Variants in NKAIN2 observed in about 807,000 individuals in gnomAD.
NKAIN2 encodes sodium/potassium-transporting ATPase subunit beta-1-interacting protein 2.
A neutral mutation model predicts 32.6 loss-of-function variants in NKAIN2; 14 were observed. The ratio of observed to expected loss-of-function variants is 0.43; its 90% confidence interval spans 0.28 to 0.67. The LOEUF (loss-of-function observed/expected upper bound fraction) is 0.67, where lower values mean the gene tolerates loss of function less well. Among genes scored for constraint, NKAIN2 ranks in the 30% least tolerant of loss-of-function variants. NKAIN2 has a pLI of 0.17. For missense variants in NKAIN2, 198 were observed against 258.3 expected (o/e 0.77, Z 1.60); for synonymous variants, 80 against 87.2 (o/e 0.92, Z 0.46).
intron 3 of NKAIN2, among the ~76,000 whole-genome samples, chr6:124,399,145 T>G (rs1773524035): frequency 6.6e-6 from 1 of 152,204 alleles, no homozygotes; most frequent in South Asian, 2.1e-4. Flanking sequence ...CAGGCTGGTC[T>G]TGAACTCCTG....
chr6:123,895,719 A>T (rs1321029228), intron 1 of NKAIN2, among the ~76,000 whole-genome samples: 1 of 152,234 alleles, frequency 6.6e-6, no homozygotes, highest in Non-Finnish European at 1.5e-5. Flanking sequence ...AAATGCAGTG[A>T]ACAGAGCTGT....
intron 4 of NKAIN2, among the ~76,000 whole-genome samples, chr6:124,724,859 A>G (rs1287551326): frequency 6.6e-6 from 1 of 152,214 alleles, no homozygotes; most frequent in East Asian, 1.9e-4. Context: ...ATATGTTCAC[A>G]TAGCTTGGCC....
chr6:124,100,757 T>A (rs1286867231), intron 1 of NKAIN2, among the ~76,000 whole-genome samples: 2 of 152,194 alleles, frequency 1.3e-5, no homozygotes, highest in African/African-American at 4.8e-5. Context: ...TTCTAATAGA[T>A]GTGGGGCCCC....
At chr6:124,343,297 G>A (rs919468436) in intron 2 of NKAIN2, among the ~76,000 whole-genome samples, 6 of 151,824 alleles carry the variant, frequency 4.0e-5, no homozygotes, top group African/African-American at 1.5e-4. Context: ...ACATACGTGT[G>A]CATGTGTCTT....
intron 4 of NKAIN2, among the ~76,000 whole-genome samples, chr6:124,664,265 ACT>A (rs1772654338): frequency 6.6e-6 from 1 of 151,466 alleles, no homozygotes; most frequent in South Asian, 2.1e-4. Flanking sequence ...AGACAGCAAG[ACT>A]CTGTCTCAAA....
At chr6:123,971,643 G>A (rs1057019390) in intron 1 of NKAIN2, among the ~76,000 whole-genome samples, 16 of 152,214 alleles carry the variant, frequency 1.1e-4, no homozygotes, top group African/African-American at 3.9e-4. Context: ...TCCCCATCAT[G>A]TCTGTGTTAC....
intron 1 of NKAIN2, among the ~76,000 whole-genome samples, chr6:123,879,371 C>G (rs541859478): frequency 2.6e-5 from 4 of 152,150 alleles, no homozygotes; most frequent in African/African-American, 7.2e-5. Flanking sequence ...CATATTCTGT[C>G]CTGTATGTCC....
intron 3 of NKAIN2, among the ~76,000 whole-genome samples, chr6:124,424,382 CTGTG>C (rs1252657488): frequency 6.6e-6 from 1 of 152,060 alleles, no homozygotes; most frequent in Non-Finnish European, 1.5e-5. Context: ...ATAGTTACTA[CTGTG>C]TGTGTGTATG....
chr6:123,910,499 G>GTGTTTTTTTTTTTTTTTTTTTTT (rs1491095246), intron 1 of NKAIN2, among the ~76,000 whole-genome samples: 8 of 81,318 alleles, frequency 9.8e-5, no homozygotes, highest in African/African-American at 4.0e-4. Flanking sequence ...TGCAATGCAT[G>GTGTTTTTTTTTTTTTTTTTTTTT]TTTTTTTTTT....
At chr6:123,824,519 A>C (rs1485663072) in intron 1 of NKAIN2, among the ~76,000 whole-genome samples, 1 of 152,004 alleles carries the variant, frequency 6.6e-6, no homozygotes, top group Non-Finnish European at 1.5e-5. Flanking sequence ...GCTCCTATGC[A>C]CCTCACTTGC....
At chr6:124,218,242 A>G (rs985149369) in intron 1 of NKAIN2, among the ~76,000 whole-genome samples, 1 of 152,208 alleles carries the variant, frequency 6.6e-6, no homozygotes, top group African/African-American at 2.4e-5. Context: ...TAAAAGATAC[A>G]TGGCATAGAG....
At chr6:123,865,384 T>G (rs541801886) in intron 1 of NKAIN2, among the ~76,000 whole-genome samples, 4 of 152,148 alleles carry the variant, frequency 2.6e-5, no homozygotes, top group Non-Finnish European at 5.9e-5. Flanking sequence ...AGTCTTGATG[T>G]AAAGACAACT....
rs185136194 is a variant in NKAIN2 at position 123,857,320 on chromosome 6, A to G, written c.54+53066A>G. ...GGACAGTGCGACCAGGGGCTTTTCA[A>G]TGTGTATATTATTTACTTGGTAGTC... On this transcript the variant is annotated intron_variant, in intron 1 of 6. Coordinates refer to ENST00000368417, the MANE Select transcript of NKAIN2 (RefSeq NM_001040214.3). 5.3e-5 allele frequency among the ~76,000 whole-genome samples: 8 copies of G among 151,940 alleles called. No individual in the cohort carries two copies. The East Asian group carries it at 1.5e-3, about 29-fold the overall frequency.
chr6:123,886,035 G>GA (rs1022749492), intron 1 of NKAIN2, among the ~76,000 whole-genome samples: 19 of 150,724 alleles, frequency 1.3e-4, no homozygotes, highest in African/African-American at 4.1e-4. Context: ...ATAAACAGAT[G>GA]AAAAAATTAA....
chr6:123,924,968 A>T (rs1005681874), intron 1 of NKAIN2, among the ~76,000 whole-genome samples: 6 of 152,104 alleles, frequency 3.9e-5, no homozygotes, highest in African/African-American at 1.2e-4. Flanking sequence ...TATCATGATT[A>T]TATTATTTTG....
intron 1 of NKAIN2, among the ~76,000 whole-genome samples, chr6:123,889,934 T>C (rs1773919367): frequency 6.6e-6 from 1 of 152,128 alleles, no homozygotes; most frequent in African/African-American, 2.4e-5. Flanking sequence ...TTTTAGTTAT[T>C]TGTAAGCCAC....
intron 1 of NKAIN2, among the ~76,000 whole-genome samples, chr6:123,959,923 A>ATGTG (rs1333504911): frequency 8.0e-6 from 1 of 124,880 alleles, no homozygotes; most frequent in African/African-American, 3.4e-5. Flanking sequence ...TGTCTTCCAT[A>ATGTG]TATGTGTGTG....
chr6:123,827,910 T>C (rs1253414253), intron 1 of NKAIN2, among the ~76,000 whole-genome samples: 1 of 151,688 alleles, frequency 6.6e-6, no homozygotes, highest in Admixed American at 6.6e-5. Flanking sequence ...TATATATATG[T>C]CATATATATA....
chr6:124,064,391 A>C (rs1249271771), intron 1 of NKAIN2, among the ~76,000 whole-genome samples: 1 of 152,122 alleles, frequency 6.6e-6, no homozygotes, highest in Non-Finnish European at 1.5e-5. Context: ...TTAGATAGTC[A>C]CAATTTTTAC....
Sources: allele counts gnomAD v4.1 joint callset (sites outside exome capture counted in the v4.1 genomes callset), GRCh38; gene constraint gnomAD v4.1.1; transcripts MANE v1.5; gene names NCBI Gene and HGNC (gene_info 2026-07-23, HGNC 2026-07-21).